ADAMTS6: variants seen among roughly 807,000 people sequenced by gnomAD.
ADAMTS6 encodes the protein A disintegrin and metalloproteinase with thrombospondin motifs 6.
In ADAMTS6, 23 loss-of-function variants were observed where a neutral mutation model predicts 144.3. That is an observed-to-expected ratio of 0.16 (90% CI 0.11 to 0.23). The LOEUF is 0.23. Ranked by LOEUF, ADAMTS6 falls within the 10% of genes least tolerant of loss-of-function variation. The pLI, the probability that ADAMTS6 is intolerant of heterozygous loss-of-function variation, is 1.00. For missense variants in ADAMTS6, 999 were observed against 1,379.6 expected (o/e 0.72, Z 4.37); for synonymous variants, 444 against 457.5 (o/e 0.97, Z 0.38).
At chr5:65,178,004 T>C (rs1754088670) in intron 22 of ADAMTS6, among the ~76,000 whole-genome samples, 1 of 152,186 alleles carries the variant, frequency 6.6e-6, no homozygotes, top group African/African-American at 2.4e-5. Flanking sequence ...CAACACTAAG[T>C]TCACTTCGTG....
chr5:65,242,555 A>G (rs1003648614), intron 14 of ADAMTS6, among the ~76,000 whole-genome samples: 3 of 152,156 alleles, frequency 2.0e-5, no homozygotes, highest in Non-Finnish European at 1.5e-5. Context: ...CTTTGTGTTA[A>G]CAGTTTTTGA....
At chr5:65,325,287 A>G (rs549486391) in intron 9 of ADAMTS6, among the ~76,000 whole-genome samples, 1 of 152,284 alleles carries the variant, frequency 6.6e-6, no homozygotes, top group Non-Finnish European at 1.5e-5. Context: ...TTTTTAATGT[A>G]TGTAAATTAC....
intron 15 of ADAMTS6, among the ~76,000 whole-genome samples, chr5:65,231,010 C>A (rs1312863215): frequency 6.7e-6 from 1 of 149,996 alleles, no homozygotes; most frequent in Non-Finnish European, 1.5e-5. Flanking sequence ...AAACAATTGA[C>A]AAGATATAAC....
chr5:65,275,385 AAG>A (rs1403727816), intron 11 of ADAMTS6, among the ~76,000 whole-genome samples: 1 of 147,160 alleles, frequency 6.8e-6, no homozygotes, highest in Non-Finnish European at 1.5e-5. Context: ...GAAAGAAAGA[AAG>A]AAAGAAAGAA....
intron 7 of ADAMTS6, among the ~76,000 whole-genome samples, chr5:65,404,775 T>A (rs1012752431): frequency 1.7e-4 from 26 of 152,194 alleles, no homozygotes; most frequent in African/African-American, 6.0e-4. Flanking sequence ...GTGTAAAGTG[T>A]TCCTATTTCT....
Position 65,154,871 on chromosome 5 carries a change from C to A in ADAMTS6, c.3245-2926G>T, listed in dbSNP as rs189600162. Among the ~76,000 whole-genome samples the A allele has an allele frequency of 3.1e-3, 466 of 152,322 alleles. 1 individual carries two copies. The highest frequency in any genetic ancestry group is 5.1e-3 in the Non-Finnish European group (348 of 68,026). Reference sequence around the variant, plus strand: ...AAATATAGTCTCAGAAAGGGTTACACATTTACGCATTTAAGCAAAATATCA... The same window carrying A: ...AAATATAGTCTCAGAAAGGGTTACAAATTTACGCATTTAAGCAAAATATCA... On this transcript the variant is annotated intron_variant, in intron 24 of 24. Transcript: ENST00000381055.
chr5:65,360,595 G>A (rs1375823524), intron 7 of ADAMTS6, among the ~76,000 whole-genome samples: 1 of 150,888 alleles, frequency 6.6e-6, no homozygotes, highest in African/African-American at 2.4e-5. Context: ...ATAATGAAGT[G>A]TAAAAAAAAA....
At chr5:65,422,720 A>G (rs1165123746) in intron 7 of ADAMTS6, among the ~76,000 whole-genome samples, 1 of 152,182 alleles carries the variant, frequency 6.6e-6, no homozygotes, top group African/African-American at 2.4e-5. Context: ...TACAAACTCT[A>G]TGGAAAGCAG....
At chr5:65,239,910 G>A (rs944858994) in intron 15 of ADAMTS6, among the ~76,000 whole-genome samples, 3 of 152,192 alleles carry the variant, frequency 2.0e-5, no homozygotes, top group East Asian at 1.9e-4. Context: ...AGTGAAATAC[G>A]CTACAATCAC....
Position 65,214,814 on chromosome 5 carries a change from C to T in ADAMTS6, c.2555G>A (p.Cys852Tyr). ...CTTACCTCCAGCACAAGTAGCTGAG[C>T]ATTCTGACCAAGGCTGATGATTCCA... ...FTWNHQPWSECSATCAGGVQR... is the reference protein window; with the variant it reads ...FTWNHQPWSEYSATCAGGVQR... The change falls in exon 20 of 25, where the codon TGC (cysteine) becomes TAC (tyrosine). Residue 852 changes from cysteine to tyrosine, a missense_variant. Physicochemically the swap from Cys to Tyr is radical, Grantham distance 194. Coordinates refer to ENST00000381055, the MANE Select transcript of ADAMTS6 (RefSeq NM_197941.4). The surrounding 1 kb of genome is among the most constrained non-coding windows in gnomAD (Gnocchi z 4.6). 6.2e-7 allele frequency: 1 copy of T among 1,614,106 alleles called. No individual in the cohort carries two copies. Among genetic ancestry groups the T allele is most frequent in the Non-Finnish European group, 8.5e-7 (1 of 1,180,000 alleles).
chr5:65,223,441 A>C (rs1757474720), intron 18 of ADAMTS6, among the ~76,000 whole-genome samples: 1 of 152,180 alleles, frequency 6.6e-6, no homozygotes, highest in Admixed American at 6.5e-5. Context: ...CTTATAACTG[A>C]AAGTTTGTAC....
intron 7 of ADAMTS6, among the ~76,000 whole-genome samples, chr5:65,354,265 T>A (rs1749120500): frequency 6.6e-6 from 1 of 151,926 alleles, no homozygotes; most frequent in African/African-American, 2.4e-5. Context: ...TGCTTCTGTG[T>A]CTTCCATAAT....
rs146216385 is a variant in ADAMTS6, at chr5:65,470,799, A to T, written c.441T>A (p.Ala147=). The change falls in exon 3 of 25, where the codon GCT becomes GCA. Residue 147 remains alanine (A), a synonymous_variant. Transcript: ENST00000381055. ...TTACCAACCCAACACAGTTGCTTAA[A>T]GCCACTTTAGTTGTACTACGTTGAT... ...LQDQRSTTKV[A]LSNCVGLHGV... 1.9e-6 allele frequency: 3 copies of T among 1,592,650 alleles called. No individual in the cohort carries two copies. In the African/African-American group the frequency reaches 4.1e-5, roughly 22 times the overall value.
intron 14 of ADAMTS6, among the ~76,000 whole-genome samples, chr5:65,242,526 G>T (rs1759279787): frequency 6.6e-6 from 1 of 152,040 alleles, no homozygotes; most frequent in Non-Finnish European, 1.5e-5. Context: ...CCTAGATGAA[G>T]AAATTAAAAC....
intron 7 of ADAMTS6, among the ~76,000 whole-genome samples, chr5:65,443,835 A>G (rs1430602717): frequency 6.6e-6 from 1 of 151,792 alleles, no homozygotes; most frequent in Non-Finnish European, 1.5e-5. Context: ...AACCAGACAA[A>G]GCGCATCAAC....
chr5:65,320,659 C>T (rs1228211559), intron 9 of ADAMTS6, among the ~76,000 whole-genome samples: 1 of 151,678 alleles, frequency 6.6e-6, no homozygotes, highest in Admixed American at 6.6e-5. Context: ...CTGACTAATA[C>T]ATCCAGGTTT....
intron 7 of ADAMTS6, among the ~76,000 whole-genome samples, chr5:65,356,743 G>A (rs993947492): frequency 6.6e-6 from 1 of 151,684 alleles, no homozygotes; most frequent in South Asian, 2.1e-4. Flanking sequence ...TATCTTGCTG[G>A]GAAGTTGGAC....
At chr5:65,296,673 T>C (rs574387394) in intron 10 of ADAMTS6, among the ~76,000 whole-genome samples, 1 of 152,298 alleles carries the variant, frequency 6.6e-6, no homozygotes, top group East Asian at 1.9e-4. Flanking sequence ...GCTCATCTTA[T>C]ATCAGTTCTC....
At chr5:65,379,185 T>C (rs988565912) in intron 7 of ADAMTS6, among the ~76,000 whole-genome samples, 2 of 152,180 alleles carry the variant, frequency 1.3e-5, no homozygotes, top group Non-Finnish European at 2.9e-5. Flanking sequence ...TAAATACAAA[T>C]TATTTTCCCA....
Sources: allele counts gnomAD v4.1 joint callset (sites outside exome capture counted in the v4.1 genomes callset), GRCh38; gene constraint gnomAD v4.1.1; non-coding constraint Gnocchi (gnomAD v3.1); transcripts MANE v1.5; gene names NCBI Gene and HGNC (gene_info 2026-07-23, HGNC 2026-07-21).